Variants in KRT8 observed in about 807,000 individuals in gnomAD.
KRT8 encodes the protein keratin 8, also known as keratin, type II cytoskeletal 8.
A neutral mutation model predicts 43.0 loss-of-function variants in KRT8; 24 were observed. That is an observed-to-expected ratio of 0.56 (90% CI 0.40 to 0.78). The LOEUF (loss-of-function observed/expected upper bound fraction) is 0.78, where lower values mean the gene tolerates loss of function less well. Among genes scored for constraint, KRT8 ranks in the 30% least tolerant of loss-of-function variants. The probability of loss-of-function intolerance (pLI) is 0.00; values close to 1 mark genes in which losing one functional copy is unlikely to be tolerated. For synonymous variants in KRT8, 214 were observed against 261.2 expected (o/e 0.82, Z 1.74); for missense variants, 492 against 638.4 (o/e 0.77, Z 2.47).
chr12:52,918,242 A>AAGC (rs1941814822), intron 2 of KRT8, among the ~76,000 whole-genome samples: 1 of 151,504 alleles, frequency 6.6e-6, no homozygotes, highest in African/African-American at 2.4e-5. Flanking sequence ...GAAGAAGAAG[A>AAGC]AGAAGAAGAA....
chr12:52,906,949 GAC>G, upstream of KRT8: 2 of 357,230 alleles, frequency 5.6e-6, no homozygotes, highest in South Asian at 4.2e-5. Context: ...AACTTAAAAA[GAC>G]AGACACACAG....
intron 2 of KRT8, among the ~76,000 whole-genome samples, chr12:52,912,485 T>C (rs1941654984): frequency 6.6e-6 from 1 of 152,168 alleles, no homozygotes; most frequent in Non-Finnish European, 1.5e-5. Flanking sequence ...CCCTGGAACT[T>C]GACAAAGCAT....
chr12:52,918,275 G>A (rs777514241), intron 2 of KRT8, among the ~76,000 whole-genome samples: 8 of 145,316 alleles, frequency 5.5e-5, no homozygotes, highest in Admixed American at 2.1e-4. Flanking sequence ...CAGAGTCTGC[G>A]TCAACTGGGA....
intron 2 of KRT8, among the ~76,000 whole-genome samples, chr12:52,937,955 G>A (rs531275345): frequency 2.1e-5 from 3 of 145,394 alleles, no homozygotes; most frequent in South Asian, 4.4e-4. Flanking sequence ...AGCCGAGATC[G>A]TGCCATTGCA....
At chr12:52,938,170 A>ATATATATATTTT (rs1555189967) in intron 2 of KRT8, among the ~76,000 whole-genome samples, 6 of 30,300 alleles carry the variant, frequency 2.0e-4, no homozygotes, top group African/African-American at 4.3e-4. Flanking sequence ...ATATATATAT[A>ATATATATATTTT]TTTTTTTTTT....
chr12:52,918,211 G>GAAGAAGAAA (rs2120647659), intron 2 of KRT8, among the ~76,000 whole-genome samples: 1 of 138,054 alleles, frequency 7.2e-6, no homozygotes, highest in East Asian at 2.1e-4. Context: ...AGAACAAGAA[G>GAAGAAGAAA]AAGAAGAAGA....
chr12:52,930,248 G>C lies in KRT8; in HGVS notation c.-47+19208C>G, dbSNP rs138166080. On this transcript the variant is annotated intron_variant, in intron 2 of 6. Coordinates refer to the KRT8 transcript ENST00000546826. ...TTTTTTTTTCTTGAGACAGAGCTTCGTTCTTGTTGCCCAGGCTGGAGTGCA... is the reference window on the plus strand; with the variant it reads ...TTTTTTTTTCTTGAGACAGAGCTTCCTTCTTGTTGCCCAGGCTGGAGTGCA... Among the ~76,000 whole-genome samples, 740 of 146,974 alleles carry C rather than the reference G, an allele frequency of 5.0e-3. 5 individuals carry two copies. Among genetic ancestry groups the C allele is most frequent in the African/African-American group, 0.018 (718 of 39,604 alleles).
intron 2 of KRT8, among the ~76,000 whole-genome samples, chr12:52,943,358 C>A (rs556921999): frequency 4.0e-4 from 61 of 152,292 alleles, no homozygotes; most frequent in Non-Finnish European, 6.8e-4. Context: ...GTGCACCTGG[C>A]CCTGTGGGCC....
At chr12:52,936,395 A>G (rs1942170217) in intron 2 of KRT8, among the ~76,000 whole-genome samples, 2 of 152,132 alleles carry the variant, frequency 1.3e-5, no homozygotes, top group Admixed American at 1.3e-4. Flanking sequence ...CCATGCCTGT[A>G]ATCCCAGCAC....
chr12:52,949,518 C>T (rs746603354), exon 2 of KRT8: 5 of 1,613,614 alleles, frequency 3.1e-6, no homozygotes, highest in East Asian at 2.2e-5. Flanking sequence ...TCCGGGAGCA[C>T]TTGGAGAAGA....
chr12:52,903,507 C>G (rs1316543449), intron 1 of KRT8: 1 of 152,270 alleles, frequency 6.6e-6, no homozygotes, highest in Non-Finnish European at 1.5e-5. Flanking sequence ...CCCAGGATTT[C>G]CCTCCTCCCG....
chr12:52,901,000 C>T, intron 3 of KRT8, 159 bp downstream of exon 3: 3 of 742,680 alleles, frequency 4.0e-6, no homozygotes, highest in Admixed American at 3.6e-5. Context: ...GCACCTACCA[C>T]TCCATCCTTG....
At chr12:52,926,208 ATCT>A (rs1295431187) in intron 2 of KRT8, among the ~76,000 whole-genome samples, 1 of 136,502 alleles carries the variant, frequency 7.3e-6, no homozygotes, top group Non-Finnish European at 1.5e-5. Context: ...AGCCAGACTG[ATCT>A]TCTACAAACA....
At chr12:52,919,797 C>T (rs1291612688) in intron 2 of KRT8, among the ~76,000 whole-genome samples, 1 of 152,052 alleles carries the variant, frequency 6.6e-6, no homozygotes, top group Non-Finnish European at 1.5e-5. Flanking sequence ...TAAAGACCTG[C>T]ACCACCATGC....
intron 2 of KRT8, among the ~76,000 whole-genome samples, chr12:52,938,175 T>A (rs1401269094): frequency 1.6e-3 from 118 of 74,878 alleles, no homozygotes; most frequent in African/African-American, 7.0e-3. Context: ...TATATATTTT[T>A]TTTTTTTTTT....
At chr12:52,899,739 C>T in intron 5 of KRT8, 36 bp downstream of exon 5, 1 of 1,586,430 alleles carries the variant, frequency 6.3e-7, no homozygotes, top group South Asian at 1.1e-5. Context: ...CAGGATGTGT[C>T]CAAGGAACCC....
intron 2 of KRT8, among the ~76,000 whole-genome samples, chr12:52,917,933 A>AGAAGAGGAAGAAGAG (rs1270816344): frequency 6.7e-6 from 1 of 148,852 alleles, no homozygotes; most frequent in Non-Finnish European, 1.5e-5. Context: ...AAGGAGAAGG[A>AGAAGAGGAAGAAGAG]GAAGAGGAAG....
chr12:52,902,778 A>C (rs1241405400), intron 1 of KRT8, among the ~76,000 whole-genome samples: 1 of 152,016 alleles, frequency 6.6e-6, no homozygotes, highest in Non-Finnish European at 1.5e-5. Flanking sequence ...TTGGGTGGCC[A>C]AGGCAGGCGG....
Position 52,900,704 on chromosome 12 carries a change from A to T in KRT8, c.595-21T>A, listed in dbSNP as rs374530910. Reference sequence around the variant, plus strand: ...ACATCCTGGGGGATGAGGAGAGGGGAGCCTGAGCTGGGTTTCCACACCCAA... The same window carrying T: ...ACATCCTGGGGGATGAGGAGAGGGGTGCCTGAGCTGGGTTTCCACACCCAA... On this transcript the variant is annotated intron_variant, in intron 3 of 7. Transcript: ENST00000692008. The T allele has an allele frequency of 3.2e-6, 5 of 1,576,842 alleles. No individual in the cohort carries two copies. In the African/African-American group the frequency reaches 5.4e-5, roughly 17 times the overall value.
Sources: gnomAD v4.1 joint callset for allele counts (sites outside exome capture counted in the v4.1 genomes callset) on GRCh38, gnomAD v4.1.1 for gene constraint, MANE v1.5 for transcripts, NCBI Gene and HGNC (gene_info 2026-07-23, HGNC 2026-07-21) for gene names.